The following TBC1D8 variants were observed in gnomAD, a reference collection of about 807,000 sequenced individuals.
The protein encoded by TBC1D8 is BUB2-like protein 1.
TBC1D8 carries 65 observed loss-of-function variants against 118.8 expected under a neutral mutation model. The ratio of observed to expected loss-of-function variants is 0.55; its 90% CI spans 0.45 to 0.67. The LOEUF is 0.67. Ranked by LOEUF, TBC1D8 falls within the 30% of genes least tolerant of loss-of-function variation. The pLI is 0.00. For missense variants in TBC1D8, 1,376 were observed against 1,471.2 expected, an observed-to-expected ratio of 0.94 and a Z score of 1.06; for synonymous variants, 566 against 595.8, an observed-to-expected ratio of 0.95 and a Z score of 0.73.
In TBC1D8 at chr2:101,037,619, A is replaced by G; in HGVS notation, c.1365T>C (p.Ser455=). The G allele has an allele frequency of 6.2e-7, 1 of 1,613,358 alleles. No homozygotes were observed. Reference sequence around the variant, plus strand: ...GCATCAGCGGGCTCTTCTCTTTCTCACTCTCCTCGCTATTTTGAGAAGACA... The same window carrying G: ...GCATCAGCGGGCTCTTCTCTTTCTCGCTCTCCTCGCTATTTTGAGAAGACA... The part of the protein sequence containing the change: ...EMMSSQNSEE[S]EKEKSPLMHP... The change falls in exon 8 of 20, where the codon AGT becomes AGC. Residue 455 remains serine, a synonymous_variant. Transcript: ENST00000409318.
intron 2 of TBC1D8, among the ~76,000 whole-genome samples, chr2:101,064,434 G>A (rs1036015071): frequency 6.6e-6 from 1 of 152,170 alleles, no homozygotes; most frequent in Non-Finnish European, 1.5e-5. Context: ...GGGGATGGAG[G>A]TGAGGTAGAG....
chr2:101,016,687 A>G (rs1679664083), intron 17 of TBC1D8, among the ~76,000 whole-genome samples: 1 of 152,260 alleles, frequency 6.6e-6, no homozygotes, highest in African/African-American at 2.4e-5. Context: ...ATGTCCAACA[A>G]GGATAGACTG....
At chr2:101,018,538 G>A (rs1679823145) in intron 17 of TBC1D8, among the ~76,000 whole-genome samples, 1 of 152,174 alleles carries the variant, frequency 6.6e-6, no homozygotes, top group African/African-American at 2.4e-5. Context: ...TGAACACAAA[G>A]ACTGGAGCAG....
rs1680050095 is a variant in TBC1D8, at chr2:101,021,884, G to C, written c.2762-138C>G. 3 of 644,886 alleles carry C rather than the reference G, an allele frequency of 4.7e-6. No individual in the cohort carries two copies. The Admixed American group carries it at 8.0e-5, about 17-fold the overall frequency. 39.9% of individuals were successfully genotyped at this position (644,886 alleles called of 1,614,324 possible). On this transcript the variant is annotated intron_variant, in intron 16 of 19. Transcript: ENST00000409318. ...CTCTCCTGCCCCAGACACACACCAT[G>C]GTAGCAATGAAAGTGTTAAAGACTG...
chr2:101,050,254 A>G, intron 5 of TBC1D8, 147 bp downstream of exon 5: 1 of 1,172,002 alleles, frequency 8.5e-7, no homozygotes, highest in Non-Finnish European at 1.2e-6. Flanking sequence ...TGTCGAGATT[A>G]ACGACATACA....
At chr2:101,081,283 C>T (rs1480044574) in intron 2 of TBC1D8, among the ~76,000 whole-genome samples, 3 of 152,202 alleles carry the variant, frequency 2.0e-5, no homozygotes, top group East Asian at 1.9e-4. Flanking sequence ...GCTGGCACCC[C>T]TGCACCCCAC....
intron 1 of TBC1D8, among the ~76,000 whole-genome samples, chr2:101,099,422 A>C (rs1383016678): frequency 6.6e-6 from 1 of 152,240 alleles, no homozygotes; most frequent in Non-Finnish European, 1.5e-5. Flanking sequence ...GCTGAATTCT[A>C]TCAGAAATAC....
At chr2:101,008,357 GAA>G (rs963382664) in intron 19 of TBC1D8, 84 bp from the exon 20 acceptor site, 1 of 1,074,684 alleles carries the variant, frequency 9.3e-7, no homozygotes, top group African/African-American at 1.6e-5. Flanking sequence ...TGAGCTTTGA[GAA>G]AACGACACAG....
chr2:101,139,646 C>G (rs1324535281), intron 1 of TBC1D8, among the ~76,000 whole-genome samples: 2 of 152,134 alleles, frequency 1.3e-5, no homozygotes, highest in Admixed American at 6.6e-5. Context: ...CCAGGTATCC[C>G]ACACTTAACT....
chr2:101,072,878 G>A (rs1161745918), intron 2 of TBC1D8, among the ~76,000 whole-genome samples: 2 of 152,150 alleles, frequency 1.3e-5, no homozygotes, highest in South Asian at 2.1e-4. Context: ...TCTGCCCCCC[G>A]ACCCAAACAC....
intron 7 of TBC1D8, 108 bp downstream of exon 7, chr2:101,038,353 C>G: frequency 8.0e-7 from 1 of 1,245,334 alleles, no homozygotes; most frequent in Non-Finnish European, 1.1e-6. Flanking sequence ...CACACACAGG[C>G]CCCGCATTCT....
intron 1 of TBC1D8, among the ~76,000 whole-genome samples, chr2:101,139,539 G>A (rs996108436): frequency 6.6e-6 from 1 of 152,012 alleles, no homozygotes; most frequent in Non-Finnish European, 1.5e-5. Flanking sequence ...CTTCCTCCTG[G>A]CTTCAGGGAA....
At position 101,029,849 on chromosome 2, in the gene TBC1D8, A is replaced by C; in HGVS notation, c.1937-73T>G. 4 of 1,470,582 alleles carry C rather than the reference A, an allele frequency of 2.7e-6. No homozygotes were observed. In the South Asian group the frequency reaches 5.2e-5, roughly 19 times the overall value. The allele number at this position is 1,470,582 out of a possible 1,614,324, so 91.1% of individuals were successfully genotyped here. On this transcript the variant is annotated intron_variant, in intron 11 of 19. Transcript: ENST00000409318. ...CTAAGGTCAGTCTGAAATTAAAATC[A>C]CTCTGAGGTAACCAGAACAAAGAGA... is the stretch of plus-strand genomic sequence containing the variant.
intron 1 of TBC1D8, among the ~76,000 whole-genome samples, chr2:101,146,767 C>T (rs1041050232): frequency 3.9e-5 from 6 of 152,116 alleles, no homozygotes; most frequent in Non-Finnish European, 8.8e-5. Context: ...CTGTAATACA[C>T]GGTACCACCA....
At chr2:101,131,474 T>C (rs1302468906) in intron 1 of TBC1D8, among the ~76,000 whole-genome samples, 4 of 148,378 alleles carry the variant, frequency 2.7e-5, no homozygotes, top group Admixed American at 6.8e-5. Context: ...CAGTGCGCTA[T>C]TGCAGTTCAG....
At chr2:101,028,455 G>GCCCAAGT in intron 12 of TBC1D8, 23 bp from the exon 13 acceptor site, 1 of 1,533,126 alleles carries the variant, frequency 6.5e-7, no homozygotes, top group Middle Eastern at 1.8e-4. Context: ...CCCCGTCAAC[G>GCCCAAGT]CCCAAGTCCA....
intron 1 of TBC1D8, among the ~76,000 whole-genome samples, chr2:101,130,794 G>A (rs1384299259): frequency 6.6e-6 from 1 of 152,102 alleles, no homozygotes; most frequent in Non-Finnish European, 1.5e-5. Flanking sequence ...AAAGAGCCAG[G>A]CTCCTAGCAG....
intron 19 of TBC1D8, 148 bp from the exon 20 acceptor site, chr2:101,008,421 T>A: frequency 1.5e-6 from 1 of 681,952 alleles, no homozygotes. Flanking sequence ...CTTTCCACTC[T>A]AAACTATTAA....
At chr2:101,129,854 G>C (rs960648710) in intron 1 of TBC1D8, among the ~76,000 whole-genome samples, 1 of 151,316 alleles carries the variant, frequency 6.6e-6, no homozygotes, top group East Asian at 2.0e-4. Context: ...GCAGTGAGCC[G>C]AGATAGTGCC....
Sources: gnomAD v4.1 joint callset for allele counts (sites outside exome capture counted in the v4.1 genomes callset) on GRCh38, gnomAD v4.1.1 for gene constraint, MANE v1.5 for transcripts, NCBI Gene and HGNC (gene_info 2026-07-23, HGNC 2026-07-21) for gene names.